Variants in CMYA5 observed in about 807,000 individuals in gnomAD.
CMYA5 encodes cardiomyopathy associated 5, also known as cardiomyopathy-associated protein 5.
Under a neutral mutation model 318.9 loss-of-function variants are expected in CMYA5, and 246 were observed. That is an observed-to-expected ratio of 0.77 (90% CI 0.70 to 0.86). CMYA5 has a LOEUF of 0.86. Ranked by LOEUF, CMYA5 falls within the 40% of genes least tolerant of loss-of-function variation. CMYA5 has a pLI of 0.00. For missense variants in CMYA5, 4,589 were observed against 4,678.2 expected, an observed-to-expected ratio of 0.98 and a Z score of 0.56; for synonymous variants, 1,641 against 1,729.5, an observed-to-expected ratio of 0.95 and a Z score of 1.27.
intron 1 of CMYA5, among the ~76,000 whole-genome samples, chr5:79,707,320 A>G (rs1285080437): frequency 6.6e-6 from 1 of 152,122 alleles, no homozygotes; most frequent in African/African-American, 2.4e-5. Flanking sequence ...TTACATTTCT[A>G]TTTGTTTAAG....
At chr5:79,706,771 C>T (rs1195056812) in intron 1 of CMYA5, among the ~76,000 whole-genome samples, 2 of 152,272 alleles carry the variant, frequency 1.3e-5, no homozygotes, top group East Asian at 3.9e-4. Flanking sequence ...GCAGTGCAAC[C>T]TGGCATTGTC....
intron 9 of CMYA5, among the ~76,000 whole-genome samples, chr5:79,768,699 C>T (rs562520981): frequency 1.1e-4 from 17 of 152,256 alleles, no homozygotes; most frequent in Admixed American, 2.6e-4. Flanking sequence ...GTGGGCAACC[C>T]GAGCTTTCTC....
At chr5:79,752,135 T>C (rs1828442670) in intron 5 of CMYA5, among the ~76,000 whole-genome samples, 1 of 152,188 alleles carries the variant, frequency 6.6e-6, no homozygotes, top group Admixed American at 6.5e-5. Context: ...AATGATAGGC[T>C]TTATCCTCTC....
Position 79,732,692 on chromosome 5 carries a change from A to G in CMYA5, c.3927A>G (p.Ile1309Met), listed in dbSNP as rs1328728071. The G allele has an allele frequency of 1.2e-6, 2 of 1,613,454 alleles. No homozygotes were observed. Among genetic ancestry groups the G allele is most frequent in the East Asian group, 2.2e-5 (1 of 44,856 alleles). The part of the protein sequence containing the change: ...VKMEMKHDSK[I>M]TTTPIVLHSA... The stretch of plus-strand genomic sequence containing the variant: ...TGGAGATGAAACATGATTCCAAAAT[A>G]ACAACTACACCTATAGTGCTTCATT... Residue 1309 changes from isoleucine (I) to methionine (M), a missense_variant, in exon 2 of 13, where the codon ATA (isoleucine) becomes ATG (methionine). Coordinates refer to ENST00000446378, the MANE Select transcript of CMYA5 (RefSeq NM_153610.5).
chr5:79,728,562 A>G (rs1054013275), intron 1 of CMYA5, among the ~76,000 whole-genome samples: 5 of 152,108 alleles, frequency 3.3e-5, no homozygotes, highest in African/African-American at 1.2e-4. Flanking sequence ...CACAGATACA[A>G]GAGTTATTAT....
intron 9 of CMYA5, among the ~76,000 whole-genome samples, chr5:79,778,919 T>G (rs1829000789): frequency 1.4e-5 from 2 of 138,952 alleles, no homozygotes. Flanking sequence ...TTTAATTTTT[T>G]TTTTTTATTA....
chr5:79,724,155 TAA>T (rs34755034), intron 1 of CMYA5, among the ~76,000 whole-genome samples: 2 of 145,174 alleles, frequency 1.4e-5, no homozygotes, highest in Non-Finnish European at 1.5e-5. Flanking sequence ...CCATCTCTGC[TAA>T]AAAAAAAAAA....
chr5:79,714,750 C>T (rs4371733), intron 1 of CMYA5, among the ~76,000 whole-genome samples: 65,210 of 151,790 alleles, frequency 0.43, 14,612 homozygotes, highest in East Asian at 0.58. Flanking sequence ...TCACATGGGA[C>T]GCCTTTTGCA....
At chr5:79,705,875 T>C (rs1827260799) in intron 1 of CMYA5, among the ~76,000 whole-genome samples, 1 of 152,152 alleles carries the variant, frequency 6.6e-6, no homozygotes, top group South Asian at 2.1e-4. Context: ...GCTTCACAGG[T>C]ACCTGTGGGG....
chr5:79,734,897 TGAAA>T lies in CMYA5; in HGVS notation c.6135_6138del (p.Glu2045AspfsTer15). On this transcript the variant is annotated frameshift_variant, in exon 2 of 13. Transcript: ENST00000446378. LOFTEE classifies it high-confidence loss of function. Reference sequence around the variant, plus strand: ...GCCAGGAAAAAATTAAACTACCTCCTGAAAGATTCTTCCAGAAACCAGTGTCTGG... The same window carrying T: ...GCCAGGAAAAAATTAAACTACCTCCTGATTCTTCCAGAAACCAGTGTCTGG... The T allele has an allele frequency of 6.2e-7, 1 of 1,613,828 alleles. No homozygotes were observed. Among genetic ancestry groups the T allele is most frequent in the Non-Finnish European group, 8.5e-7 (1 of 1,179,794 alleles).
chr5:79,730,064 C>A lies in CMYA5; in HGVS notation c.1299C>A (p.Ser433=). ...AAGATGTGTATTCTGCTCACCATTC[C>A]ATTTCTCTGGAGGCAGCGTCACCAG... ...KKEDVYSAHH[S]ISLEAASPGL... is the part of the protein sequence containing the mutation. The change falls in exon 2 of 13, where the codon TCC becomes TCA. Residue 433 remains serine, a synonymous_variant. Transcript: ENST00000446378. 2 of 1,613,894 alleles carry A rather than the reference C, an allele frequency of 1.2e-6. No homozygotes were observed. The highest frequency in any genetic ancestry group is 1.1e-5 in the South Asian group (1 of 91,082).
In CMYA5 at chr5:79,736,445, T is replaced by A; in HGVS notation, c.7680T>A (p.Tyr2560Ter). 1.2e-6 allele frequency: 2 copies of A among 1,609,556 alleles called. No individual in the cohort carries two copies. Among genetic ancestry groups the A allele is most frequent in the Non-Finnish European group, 1.7e-6 (2 of 1,177,618 alleles). ...EGKKQQEHQPYSVNVAESMSR... is the reference protein window; with the variant it reads ...EGKKQQEHQP ...AGAAGCAGCAGGAACATCAGCCTTA[T>A]TCTGTGAATGTAGCCGAGTCTATGA... The change falls in exon 2 of 13, where the codon TAT becomes TAA. Residue 2560 changes from tyrosine (Y) to a stop codon, truncating the protein, a stop_gained. Coordinates refer to ENST00000446378, the MANE Select transcript of CMYA5 (RefSeq NM_153610.5). LOFTEE classifies it high-confidence loss of function.
intron 1 of CMYA5, among the ~76,000 whole-genome samples, chr5:79,694,367 G>A (rs1326742646): frequency 6.6e-6 from 1 of 152,200 alleles, no homozygotes; most frequent in Non-Finnish European, 1.5e-5. Flanking sequence ...TTTCCTGTAT[G>A]GAGAGGAGAC....
At position 79,800,213 on chromosome 5, in the gene CMYA5, A is replaced by C. The variant is rs1275831637; in HGVS notation, c.*597A>C. 1.3e-5 allele frequency: 2 copies of C among 152,852 alleles called. No homozygotes were observed. The highest frequency in any genetic ancestry group is 4.8e-5 in the African/African-American group (2 of 41,468). 9.5% of individuals were successfully genotyped at this position (152,852 alleles called of 1,614,324 possible). On this transcript the variant is annotated 3_prime_UTR_variant, in exon 13 of 13. Coordinates refer to ENST00000446378, the MANE Select transcript of CMYA5 (RefSeq NM_153610.5). ...TCCATTTTGTTAAATAAATGGTTAG[A>C]GTCTATAAAGCCAGTCGTGTTATGT... is the stretch of plus-strand genomic sequence containing the variant.
At chr5:79,750,541 T>A (rs1469468095) in intron 5 of CMYA5, among the ~76,000 whole-genome samples, 1 of 140,248 alleles carries the variant, frequency 7.1e-6, no homozygotes, top group South Asian at 2.2e-4. Context: ...TTATTTTACC[T>A]TGCCACTTTT....
At chr5:79,721,121 C>T (rs1193901142) in intron 1 of CMYA5, among the ~76,000 whole-genome samples, 1 of 151,872 alleles carries the variant, frequency 6.6e-6, no homozygotes, top group Non-Finnish European at 1.5e-5. Context: ...TTGTAATTTC[C>T]AGGGTAATCA....
chr5:79,775,714 C>T (rs989296503), intron 9 of CMYA5, among the ~76,000 whole-genome samples: 2 of 152,126 alleles, frequency 1.3e-5, no homozygotes, highest in Admixed American at 6.5e-5. Context: ...CCTTTAAGAG[C>T]AGTTTTACAA....
chr5:79,738,406 G>A lies in CMYA5; in HGVS notation c.9641G>A (p.Gly3214Asp). Residue 3214 changes from glycine to aspartate, a missense_variant, in exon 2 of 13, where the codon GGT becomes GAT. Gly to Asp is a moderately conservative substitution (Grantham distance 94). This residue lies in a region of CMYA5 where 2,431 missense variants were observed against 2,495.1 expected (regional missense o/e 0.97). Transcript: ENST00000446378. ...AAGGAAGAGGAGACAGCTTCTGAAG[G>A]TGACAGTGTGAATTCTGAGGCATCA... The part of the protein sequence containing the change: ...KKKEEETASE[G>D]DSVNSEASFP... The A allele has an allele frequency of 6.2e-7, 1 of 1,613,800 alleles. No individual in the cohort carries two copies. The highest frequency in any genetic ancestry group is 8.5e-7 in the Non-Finnish European group (1 of 1,179,860).
chr5:79,738,556 A>C lies in CMYA5; in HGVS notation c.9791A>C (p.Glu3264Ala). 7.4e-6 allele frequency: 12 copies of C among 1,613,566 alleles called. No homozygotes were observed. The highest frequency in any genetic ancestry group is 1.0e-5 in the Non-Finnish European group (12 of 1,179,868). The stretch of plus-strand genomic sequence containing the variant: ...AAGGACCAGGGCCAAGGTCTGGAAG[A>C]AAAACGAGTTGGTAAGGATGATTCA... Reference protein sequence around the residue: ...TQKDQGQGLEEKRVGKDDSYQ... With the variant: ...TQKDQGQGLEAKRVGKDDSYQ... The change falls in exon 2 of 13, where the codon GAA becomes GCA. Residue 3264 changes from glutamate (E) to alanine (A), a missense_variant. Coordinates refer to ENST00000446378, the MANE Select transcript of CMYA5 (RefSeq NM_153610.5).
Sources: allele counts gnomAD v4.1 joint callset (sites outside exome capture counted in the v4.1 genomes callset), GRCh38; gene constraint gnomAD v4.1.1; regional missense constraint gnomAD v4.1.1; transcripts MANE v1.5; gene names NCBI Gene and HGNC (gene_info 2026-07-23, HGNC 2026-07-21).